RTTN: variants seen among roughly 807,000 people sequenced by gnomAD.
The protein encoded by RTTN is rotatin.
A neutral mutation model predicts 269.2 loss-of-function variants in RTTN; 182 were observed. The ratio of observed to expected loss-of-function variants is 0.68; its 90% CI spans 0.60 to 0.76. RTTN has a LOEUF of 0.76. Ranked by LOEUF, RTTN falls within the 30% of genes least tolerant of loss-of-function variation. The pLI, the probability that RTTN is intolerant of heterozygous loss-of-function variation, is 0.00. For synonymous variants in RTTN, 1,006 were observed against 963.5 expected (o/e 1.04, Z -0.82); for missense variants, 2,545 against 2,608.6 (o/e 0.98, Z 0.53).
intron 21 of RTTN, chr18:70,139,049 T>TAAG (rs1403404687): frequency 3.3e-5 from 5 of 150,150 alleles, no homozygotes; most frequent in African/African-American, 1.2e-4. Flanking sequence ...ACATGAAACG[T>TAAG]GTTCATCTAA....
chr18:70,100,331 T>G (rs544990902), intron 28 of RTTN, among the ~76,000 whole-genome samples: 1 of 152,346 alleles, frequency 6.6e-6, no homozygotes, highest in South Asian at 2.1e-4. Context: ...TATTTTATTC[T>G]CTTTGAAGCA....
intron 10 of RTTN, among the ~76,000 whole-genome samples, chr18:70,181,145 A>G (rs2061413606): frequency 2.0e-5 from 3 of 152,160 alleles, no homozygotes. Flanking sequence ...AGTCCTACCA[A>G]CATTCTACAA....
chr18:70,108,312 A>C (rs1052549515), intron 28 of RTTN, among the ~76,000 whole-genome samples: 2 of 152,172 alleles, frequency 1.3e-5, no homozygotes, highest in African/African-American at 4.8e-5. Flanking sequence ...CACAATTTAC[A>C]ATCTTCCCAA....
At chr18:70,040,886 T>C (rs2057319404) in intron 40 of RTTN, among the ~76,000 whole-genome samples, 2 of 152,220 alleles carry the variant, frequency 1.3e-5, no homozygotes, top group South Asian at 2.1e-4. Flanking sequence ...AGTGGGTTAA[T>C]GAAAAAATTA....
chr18:70,036,411 C>A (rs867936080), intron 40 of RTTN, among the ~76,000 whole-genome samples: 3 of 152,056 alleles, frequency 2.0e-5, no homozygotes, highest in Non-Finnish European at 4.4e-5. Flanking sequence ...GGTTGGAGCT[C>A]GAGGCCATGA....
chr18:70,197,484 G>A, intron 6 of RTTN, 140 bp downstream of exon 6: 1 of 664,054 alleles, frequency 1.5e-6, no homozygotes, highest in South Asian at 1.7e-5. Flanking sequence ...TAGCGAATAA[G>A]TGCTTTAAAT....
In RTTN at chr18:70,160,675, A is replaced by G. The variant is rs1415543521; in HGVS notation, c.1929+5387T>C. Reference sequence around the variant, plus strand: ...TATACCTGAAAAAAAAAAAAAAAAAAGAAAAAACCATATTCTCTGCCCAAA... The same window carrying G: ...TATACCTGAAAAAAAAAAAAAAAAAGGAAAAAACCATATTCTCTGCCCAAA... On this transcript the variant is annotated intron_variant, in intron 14 of 48. Transcript: ENST00000640769. Among the ~76,000 whole-genome samples, 616 of 130,162 alleles carry G rather than the reference A, an allele frequency of 4.7e-3. 2 individuals carry two copies. Among genetic ancestry groups the G allele is most frequent in the Non-Finnish European group, 6.3e-3 (359 of 56,988 alleles). The allele number at this position is 130,162 out of a possible 152,430, so 85.4% of individuals were successfully genotyped here. A position where few individuals can be genotyped will look rare whatever the true frequency, so the allele number is the denominator to read the frequency against.
chr18:70,167,820 C>A (rs1271252224), intron 12 of RTTN, among the ~76,000 whole-genome samples: 5 of 150,702 alleles, frequency 3.3e-5, no homozygotes, highest in South Asian at 2.1e-4. Context: ...GGAAAAAAAA[C>A]AAACTACAGT....
chr18:70,015,744 T>C (rs149738830), intron 46 of RTTN, among the ~76,000 whole-genome samples: 1,875 of 152,188 alleles, frequency 0.012, 23 homozygotes, highest in South Asian at 0.038. Flanking sequence ...GGTCTAGAAG[T>C]GGAAAATGCA....
At position 70,016,356 on chromosome 18, in the gene RTTN, C is replaced by A. The variant is rs114822128; in HGVS notation, c.6421+1051G>T. 2.9e-3 allele frequency among the ~76,000 whole-genome samples: 438 copies of A among 152,158 alleles called. 1 individual carries two copies. The highest frequency in any genetic ancestry group is 9.8e-3 in the African/African-American group (407 of 41,494). ...AACATTTATCATGTACCAGAAATAG[C>A]GCTAGGCACTTTATGTGTGTTTATA... is the stretch of plus-strand genomic sequence containing the variant. On this transcript the variant is annotated intron_variant, in intron 46 of 48. Coordinates refer to ENST00000640769, the MANE Select transcript of RTTN (RefSeq NM_173630.4).
intron 14 of RTTN, among the ~76,000 whole-genome samples, chr18:70,158,547 G>C (rs776307478): frequency 6.6e-6 from 1 of 152,010 alleles, no homozygotes; most frequent in Admixed American, 6.6e-5. Flanking sequence ...TCAAGTCTAC[G>C]TAACAACCAG....
chr18:70,194,127 T>C (rs1238657084), intron 7 of RTTN: 1 of 152,168 alleles, frequency 6.6e-6, no homozygotes, highest in Non-Finnish European at 1.5e-5. Context: ...CAAAGAACTT[T>C]AATAAACATT....
At chr18:70,040,983 G>A (rs1250499403) in intron 40 of RTTN, among the ~76,000 whole-genome samples, 1 of 152,140 alleles carries the variant, frequency 6.6e-6, no homozygotes, top group African/African-American at 2.4e-5. Flanking sequence ...CCTTCGGGAG[G>A]CCAAGGTGGA....
At chr18:70,089,536 G>C (rs1448071873) in intron 30 of RTTN, among the ~76,000 whole-genome samples, 1 of 152,216 alleles carries the variant, frequency 6.6e-6, no homozygotes, top group African/African-American at 2.4e-5. Context: ...GGATGCTGCT[G>C]AAACAAATGC....
chr18:70,073,845 A>G, intron 34 of RTTN, 61 bp downstream of exon 34: 1 of 1,188,236 alleles, frequency 8.4e-7, no homozygotes, highest in Non-Finnish European at 1.3e-6. Context: ...CTCTCCCACT[A>G]GGCAAACTCA....
intron 32 of RTTN, among the ~76,000 whole-genome samples, chr18:70,086,408 T>C (rs1286935059): frequency 6.6e-6 from 1 of 152,156 alleles, no homozygotes; most frequent in Non-Finnish European, 1.5e-5. Context: ...TAACTATTAT[T>C]ATTTGCTTTA....
intron 44 of RTTN, among the ~76,000 whole-genome samples, chr18:70,023,023 G>A (rs2056751208): frequency 6.6e-6 from 1 of 152,130 alleles, no homozygotes; most frequent in Admixed American, 6.5e-5. Flanking sequence ...TCTGTACCAG[G>A]GTTGGTATGT....
chr18:70,065,025 A>G (rs1387878341), intron 35 of RTTN, among the ~76,000 whole-genome samples: 1 of 152,164 alleles, frequency 6.6e-6, no homozygotes, highest in Non-Finnish European at 1.5e-5. Context: ...ATAATTTTAT[A>G]TATAGTGAAC....
Position 70,176,801 on chromosome 18 carries a change from C to T in RTTN, c.1350G>A (p.Met450Ile). The T allele has an allele frequency of 6.2e-7, 1 of 1,614,000 alleles. No individual in the cohort carries two copies. The highest frequency in any genetic ancestry group is 2.2e-5 in the East Asian group (1 of 44,854). ...LLVLGALGET[M>I]CYHKSSISLE... ...AACTGATACTACTTTTATGGTAGCA[C>T]ATGGTTTCTCCAAGGGCTCCCAACA... The change falls in exon 11 of 49, where the codon ATG becomes ATA. Residue 450 changes from methionine (M) to isoleucine (I), a missense_variant. Physicochemically the swap from Met to Ile is conservative, Grantham distance 10. Coordinates refer to ENST00000640769, the MANE Select transcript of RTTN (RefSeq NM_173630.4).
Sources: allele counts gnomAD v4.1 joint callset (sites outside exome capture counted in the v4.1 genomes callset), GRCh38; gene constraint gnomAD v4.1.1; transcripts MANE v1.5; gene names NCBI Gene and HGNC (gene_info 2026-07-23, HGNC 2026-07-21).